Variants in COL18A1 observed in about 807,000 individuals in gnomAD.
COL18A1 encodes the protein collagen alpha-1(XVIII) chain.
COL18A1 carries 133 observed loss-of-function variants against 168.0 expected under a neutral mutation model. The ratio of observed to expected loss-of-function variants is 0.79; its 90% CI spans 0.69 to 0.91. The LOEUF (loss-of-function observed/expected upper bound fraction) is 0.91. Among genes scored for constraint, COL18A1 ranks in the 40% least tolerant of loss-of-function variants. The pLI is 0.00. For synonymous variants in COL18A1, 949 were observed against 809.0 expected, an observed-to-expected ratio of 1.17 and a Z score of -2.94; for missense variants, 2,126 against 1,925.4, an observed-to-expected ratio of 1.10 and a Z score of -1.95.
At chr21:45,437,512 G>GCA (rs201264091) in intron 2 of COL18A1, among the ~76,000 whole-genome samples, 1 of 24,626 alleles carries the variant, frequency 4.1e-5, no homozygotes, top group Admixed American at 4.5e-4. Context: ...GCACTCTCCT[G>GCA]CACACACACA....
chr21:45,479,827 GA>G (rs2035830383), intron 9 of COL18A1, 74 bp from the exon 10 acceptor site: 32 of 1,595,490 alleles, frequency 2.0e-5, no homozygotes, highest in Non-Finnish European at 2.7e-5. Context: ...CTGCTTGGGG[GA>G]GGAGCACTGA....
At chr21:45,499,258 C>T (rs1024308835) in intron 32 of COL18A1, among the ~76,000 whole-genome samples, 1 of 150,530 alleles carries the variant, frequency 6.6e-6, no homozygotes, top group African/African-American at 2.5e-5. Context: ...CGAGCTGTGT[C>T]GGCAGTGGAG....
rs539679975 is a variant in COL18A1 at position 45,423,104 on chromosome 21, G to T, written c.106+17631G>T. The stretch of plus-strand genomic sequence containing the variant: ...GTTGGGATTATAGGTGTGAGCCACC[G>T]CACCCGGCCGAAGTGGTTTTAATGT... On this transcript the variant is annotated intron_variant, in intron 2 of 41. Coordinates refer to ENST00000651438, the MANE Select transcript of COL18A1 (RefSeq NM_001379500.1). This position sits in a 1 kb window ranked among gnomAD's most constrained non-coding sequence, Gnocchi z 4.0. 6.6e-6 allele frequency among the ~76,000 whole-genome samples: 1 copy of T among 152,070 alleles called. No individual in the cohort carries two copies. Among genetic ancestry groups the T allele is most frequent in the Admixed American group, 6.6e-5 (1 of 15,260 alleles).
chr21:45,439,464 A>G (rs1602387965), intron 2 of COL18A1, among the ~76,000 whole-genome samples: 1 of 152,258 alleles, frequency 6.6e-6, no homozygotes, highest in East Asian at 1.9e-4. Flanking sequence ...CGTTACGTTC[A>G]TCATAAAAAC....
chr21:45,476,744 G>A lies in COL18A1; in HGVS notation c.928+264G>A, dbSNP rs191246701. On this transcript the variant is annotated intron_variant, in intron 6 of 41. Coordinates refer to ENST00000651438, the MANE Select transcript of COL18A1 (RefSeq NM_001379500.1). ...GTGTATGGTGCATGCATGTGGGCATGTGTGTGTGCAGTGTGTGGTGTGTGT... is the reference window on the plus strand; with the variant it reads ...GTGTATGGTGCATGCATGTGGGCATATGTGTGTGCAGTGTGTGGTGTGTGT... Among the ~76,000 whole-genome samples the A allele has an allele frequency of 6.3e-4, 96 of 151,608 alleles. 2 individuals carry two copies. Among genetic ancestry groups the A allele is most frequent in the Admixed American group, 6.3e-3 (96 of 15,232 alleles).
At chr21:45,476,563 G>GTGTA (rs2035663912) in intron 6 of COL18A1, 83 bp downstream of exon 6, 1 of 1,488,454 alleles carries the variant, frequency 6.7e-7, no homozygotes, top group South Asian at 1.2e-5. Context: ...GGTGAGGTAT[G>GTGTA]TGTGTGATGT....
At chr21:45,486,572 C>A (rs1176986325) in intron 15 of COL18A1, among the ~76,000 whole-genome samples, 1 of 152,266 alleles carries the variant, frequency 6.6e-6, no homozygotes, top group East Asian at 1.9e-4. Flanking sequence ...AACGAGGGTG[C>A]CCTGTGCACC....
chr21:45,448,954 C>G (rs2034562513), intron 2 of COL18A1, among the ~76,000 whole-genome samples: 1 of 152,226 alleles, frequency 6.6e-6, no homozygotes, highest in African/African-American at 2.4e-5. Flanking sequence ...CACCCACCTG[C>G]CTGCTCGTGT....
At chr21:45,485,422 G>A (rs2036075938) in intron 15 of COL18A1, among the ~76,000 whole-genome samples, 1 of 152,004 alleles carries the variant, frequency 6.6e-6, no homozygotes, top group Non-Finnish European at 1.5e-5. Flanking sequence ...TTTGAGTCCA[G>A]GAGTTCAAGG....
chr21:45,511,077 C>T (rs765896966), intron 40 of COL18A1, 34 bp from the exon 41 acceptor site: 6 of 1,053,140 alleles, frequency 5.7e-6, no homozygotes, highest in Non-Finnish European at 6.7e-6. Flanking sequence ...CACCCCCACA[C>T]ACCACACACA....
chr21:45,480,876 C>T lies in COL18A1; in HGVS notation c.1611+18C>T, dbSNP rs778119881. 6.2e-5 allele frequency: 100 copies of T among 1,604,276 alleles called. No individual in the cohort carries two copies. The highest frequency in any genetic ancestry group is 7.4e-5 in the Non-Finnish European group (87 of 1,177,124). ...GCCTCCCGGTAAGTCCTGCCTCCACCGTCAGTGTCGGGAGCCCTGTCTGCT... is the reference window on the plus strand; with the variant it reads ...GCCTCCCGGTAAGTCCTGCCTCCACTGTCAGTGTCGGGAGCCCTGTCTGCT... On this transcript the variant is annotated intron_variant, in intron 13 of 41. Coordinates refer to ENST00000651438, the MANE Select transcript of COL18A1 (RefSeq NM_001379500.1).
intron 2 of COL18A1, chr21:45,408,415 C>A (rs993942238): frequency 6.6e-6 from 1 of 152,344 alleles, no homozygotes; most frequent in Non-Finnish European, 1.5e-5. Context: ...GCTGCATCCA[C>A]ACAAAGTCTT....
chr21:45,442,237 C>T (rs1210203036), intron 2 of COL18A1, among the ~76,000 whole-genome samples: 2 of 152,216 alleles, frequency 1.3e-5, no homozygotes, highest in South Asian at 2.1e-4. Context: ...CGTGAGGAAA[C>T]CCTGCCCGTT....
chr21:45,493,272 G>T, intron 25 of COL18A1, 47 bp downstream of exon 25: 1 of 1,545,374 alleles, frequency 6.5e-7, no homozygotes, highest in East Asian at 2.4e-5. Flanking sequence ...TGACCCAGGG[G>T]TGGCTCCAGC....
rs1379030420 is a variant in COL18A1, at chr21:45,468,727, G to A, written c.592G>A (p.Glu198Lys). 1.2e-6 allele frequency: 2 copies of A among 1,611,552 alleles called. No homozygotes were observed. Among genetic ancestry groups the A allele is most frequent in the African/African-American group, 2.7e-5 (2 of 74,914 alleles). Residue 198 changes from glutamate to lysine, a missense_variant, in exon 3 of 42, where the codon GAG (glutamate) becomes AAG (lysine). Coordinates refer to ENST00000651438, the MANE Select transcript of COL18A1 (RefSeq NM_001379500.1). Reference protein sequence around the residue: ...LARSSRGLELEPGAGLFVAQA... With the variant: ...LARSSRGLELKPGAGLFVAQA... ...TCGGTCCTCACGGGGCCTGGAGCTG[G>A]AGCCTGGCGCCGGGCTCTTCGTGGC...
intron 32 of COL18A1, among the ~76,000 whole-genome samples, chr21:45,500,183 G>A (rs564072198): frequency 1.2e-5 from 1 of 85,032 alleles, no homozygotes; most frequent in East Asian, 3.2e-4. Context: ...GGTGTATAGT[G>A]TGGGTGTGTG....
intron 18 of COL18A1, among the ~76,000 whole-genome samples, chr21:45,488,660 TC>T (rs2036197287): frequency 6.6e-6 from 1 of 152,058 alleles, no homozygotes; most frequent in Admixed American, 6.5e-5. Flanking sequence ...GGGGCCATTG[TC>T]CCGTTCTCTC....
Position 45,439,948 on chromosome 21 carries a change from T to C in COL18A1, c.107-28294T>C, listed in dbSNP as rs999132747. ...GATGACTTCCTGAGCGAAAGCAAAC[T>C]GGGAAATCTCGGGCTGCGCGCTGGT... On this transcript the variant is annotated intron_variant, in intron 2 of 41. Coordinates refer to ENST00000651438, the MANE Select transcript of COL18A1 (RefSeq NM_001379500.1). 2.6e-5 allele frequency among the ~76,000 whole-genome samples: 4 copies of C among 152,276 alleles called. No homozygotes were observed. The East Asian group carries it at 7.7e-4, about 29-fold the overall frequency.
chr21:45,487,236 G>A (rs1449198936), intron 16 of COL18A1, among the ~76,000 whole-genome samples: 2 of 152,218 alleles, frequency 1.3e-5, no homozygotes, highest in Non-Finnish European at 2.9e-5. Flanking sequence ...CTGACCAAGA[G>A]CGAATGAGCT....
Sources: gnomAD v4.1 joint callset for allele counts (sites outside exome capture counted in the v4.1 genomes callset) on GRCh38, gnomAD v4.1.1 for gene constraint, Gnocchi (gnomAD v3.1) non-coding constraint, MANE v1.5 for transcripts, NCBI Gene and HGNC (gene_info 2026-07-23, HGNC 2026-07-21) for gene names.